Variants in ESYT1 observed in about 807,000 individuals in gnomAD.
The protein encoded by ESYT1 is extended synaptotagmin-1.
ESYT1 carries 116 observed loss-of-function variants against 154.2 expected under a neutral mutation model. That is an observed-to-expected ratio of 0.75 (90% CI 0.65 to 0.88). The LOEUF is 0.88. Among genes scored for constraint, ESYT1 ranks in the 40% least tolerant of loss-of-function variants. The pLI is 0.00. For missense variants in ESYT1, 1,264 were observed against 1,379.3 expected, an observed-to-expected ratio of 0.92 and a Z score of 1.32; for synonymous variants, 500 against 539.9, an observed-to-expected ratio of 0.93 and a Z score of 1.02.
chr12:56,138,027 T>C lies in ESYT1; in HGVS notation c.2200T>C (p.Cys734Arg), dbSNP rs759854694. 3 of 1,614,120 alleles carry C rather than the reference T, an allele frequency of 1.9e-6. No homozygotes were observed. Among genetic ancestry groups the C allele is most frequent in the Non-Finnish European group, 2.5e-6 (3 of 1,180,002 alleles). Residue 734 changes from cysteine (C) to arginine (R), a missense_variant and splice_region_variant, in exon 20 of 31, where the codon TGT (cysteine) becomes CGT (arginine). Coordinates refer to ENST00000394048, the MANE Select transcript of ESYT1 (RefSeq NM_015292.3). ...TGTCTTAATCTTTCTCTTCAACAGG[T>C]GTAAAGTGCGTCTCACCACAGTCTT... Reference protein sequence around the residue: ...DLDKDDFLGRCKVRLTTVLNS... With the variant: ...DLDKDDFLGRRKVRLTTVLNS...
intron 24 of ESYT1, among the ~76,000 whole-genome samples, chr12:56,140,665 G>A (rs116012322): frequency 1.1e-3 from 164 of 152,258 alleles, no homozygotes; most frequent in African/African-American, 3.8e-3. Flanking sequence ...ACCCAGTCAG[G>A]GAAGCCTTTA....
At chr12:56,138,728 T>C (rs529122253) in intron 22 of ESYT1, 40 bp from the exon 23 acceptor site, 2 of 1,590,234 alleles carry the variant, frequency 1.3e-6, no homozygotes, top group South Asian at 2.2e-5. Flanking sequence ...TCTGCCTAAC[T>C]AGGTCCAAAT....
Position 56,134,440 on chromosome 12 carries a change from A to C in ESYT1, c.1632+12A>C. 2 of 1,610,326 alleles carry C rather than the reference A, an allele frequency of 1.2e-6. No homozygotes were observed. The highest frequency in any genetic ancestry group is 1.7e-6 in the Non-Finnish European group (2 of 1,176,944). On this transcript the variant is annotated intron_variant, in intron 15 of 30. Coordinates refer to ENST00000394048, the MANE Select transcript of ESYT1 (RefSeq NM_015292.3). ...AGCTCGATGTGCAAGTGAGATAATC[A>C]CCTCTTCATCCCCTCCCGAATACCC...
At position 56,142,289 on chromosome 12, in the gene ESYT1, G is replaced by A. The variant is rs144008887; in HGVS notation, c.2597G>A (p.Arg866Gln). Reference protein sequence around the residue: ...PHTESLELQVRGEGTGVLGSL... With the variant: ...PHTESLELQVQGEGTGVLGSL... The stretch of plus-strand genomic sequence containing the variant: ...CATGGTCCTGTTGCCCCACAGGTTC[G>A]GGGTGAGGGCACTGGCGTGCTGGGC... The change falls in exon 25 of 31, where the codon CGG becomes CAG. Residue 866 changes from arginine to glutamine, a missense_variant. Arg to Gln is a conservative substitution (Grantham distance 43, BLOSUM62 1). Transcript: ENST00000394048. This position sits in a 1 kb window ranked among gnomAD's most constrained non-coding sequence, Gnocchi z 4.1. 148 of 1,613,974 alleles carry A rather than the reference G, an allele frequency of 9.2e-5. No homozygotes were observed. Among genetic ancestry groups the A allele is most frequent in the Admixed American group, 4.3e-4 (26 of 59,992 alleles).
intron 1 of ESYT1, 68 bp from the exon 2 acceptor site, chr12:56,130,514 G>C: frequency 6.3e-7 from 1 of 1,589,606 alleles, no homozygotes; most frequent in East Asian, 2.2e-5. Context: ...CACACCACCA[G>C]CATCTTAGTA....
rs1379645539 is a variant in ESYT1, at chr12:56,132,426, T to C, written c.990T>C (p.Ile330=). Residue 330 remains isoleucine, a synonymous_variant, in exon 9 of 31, where the codon ATT becomes ATC. Coordinates refer to ENST00000394048, the MANE Select transcript of ESYT1 (RefSeq NM_015292.3). ...CATCTGATTCCTTCCTCCAGGGCATTATTCGAATTCACCTGCTGGCTGCTC... is the reference window on the plus strand; with the variant it reads ...CATCTGATTCCTTCCTCCAGGGCATCATTCGAATTCACCTGCTGGCTGCTC... The part of the protein sequence containing the change: ...AQLRSPLPRG[I]IRIHLLAARG... 1.2e-6 allele frequency: 2 copies of C among 1,614,128 alleles called. No individual in the cohort carries two copies. Among genetic ancestry groups the C allele is most frequent in the East Asian group, 2.2e-5 (1 of 44,872 alleles).
At position 56,138,392 on chromosome 12, in the gene ESYT1, GCC is replaced by G. The variant is rs976351544; in HGVS notation, c.2338-9_2338-8del. ...CAGTTACCACTCCCCAGCCCCGTGT[GCC>G]CCTCCACAGGTGCTGCAGGTGAATA... On this transcript the variant is annotated splice_polypyrimidine_tract_variant and intron_variant, in intron 21 of 30. Coordinates refer to ENST00000394048, the MANE Select transcript of ESYT1 (RefSeq NM_015292.3). 6.2e-7 allele frequency: 1 copy of G among 1,613,302 alleles called. No homozygotes were observed. The highest frequency in any genetic ancestry group is 8.5e-7 in the Non-Finnish European group (1 of 1,179,642).
Position 56,143,970 on chromosome 12 carries a change from C to T in ESYT1, c.*108C>T. 6.3e-7 allele frequency: 1 copy of T among 1,587,376 alleles called. No homozygotes were observed. The highest frequency in any genetic ancestry group is 1.1e-5 in the South Asian group (1 of 89,620). ...CTAGGGTCCAAGGGCAGAGCCTGTG[C>T]CCTTCAGCCCTTTCACCTAACAGGC... On this transcript the variant is annotated 3_prime_UTR_variant, in exon 31 of 31. Coordinates refer to ENST00000394048, the MANE Select transcript of ESYT1 (RefSeq NM_015292.3).
rs114743305 is a variant in ESYT1, at chr12:56,130,931, T to C, written c.567+6T>C. ...GAGTGGAACTGGGTGAAAAGGTATG[T>C]GTGGAGGAGGGAAAGTGAGGAGGTA... On this transcript the variant is annotated splice_donor_region_variant and intron_variant, in intron 3 of 30. Transcript: ENST00000394048. 575 of 1,614,146 alleles carry C rather than the reference T, an allele frequency of 3.6e-4. 1 individual carries two copies. In the African/African-American group the frequency reaches 6.9e-3, roughly 19 times the overall value.
In ESYT1 at chr12:56,142,292, G is replaced by T. The variant is rs1489416980; in HGVS notation, c.2600G>T (p.Gly867Val). The T allele has an allele frequency of 6.2e-7, 1 of 1,614,006 alleles. No individual in the cohort carries two copies. Among genetic ancestry groups the T allele is most frequent in the African/African-American group, 1.3e-5 (1 of 75,042 alleles). The change falls in exon 25 of 31, where the codon GGT becomes GTT. Residue 867 changes from glycine to valine, a missense_variant. Coordinates refer to ENST00000394048, the MANE Select transcript of ESYT1 (RefSeq NM_015292.3). This position sits in a 1 kb window ranked among gnomAD's most constrained non-coding sequence, Gnocchi z 4.1. ...GGTCCTGTTGCCCCACAGGTTCGGG[G>T]TGAGGGCACTGGCGTGCTGGGCTCA... ...HTESLELQVR[G>V]EGTGVLGSLS... is the part of the protein sequence containing the mutation.
chr12:56,140,907 G>A lies in ESYT1; in HGVS notation c.2593-1378G>A, dbSNP rs533352718. ...ACTAACTCTGGGGTTTTTGGCACAGGGTGGCTAGATGGATAAGGGTGCCGT... is the reference window on the plus strand; with the variant it reads ...ACTAACTCTGGGGTTTTTGGCACAGAGTGGCTAGATGGATAAGGGTGCCGT... On this transcript the variant is annotated intron_variant, in intron 24 of 30. Coordinates refer to ENST00000394048, the MANE Select transcript of ESYT1 (RefSeq NM_015292.3). 2.2e-4 allele frequency among the ~76,000 whole-genome samples: 34 copies of A among 152,272 alleles called. No homozygotes were observed. The East Asian group carries it at 6.4e-3, about 29-fold the overall frequency.
chr12:56,128,669 C>G lies in ESYT1; in HGVS notation c.350C>G (p.Ala117Gly), dbSNP rs1375880401. The G allele has an allele frequency of 6.2e-7, 1 of 1,613,992 alleles. No homozygotes were observed. Among genetic ancestry groups the G allele is most frequent in the Non-Finnish European group, 8.5e-7 (1 of 1,180,040 alleles). ...CTGGACGACGAGGAGCAGCTCACTG[C>G]GAAAACTCTCTATATGAGTCATCGA... is the stretch of plus-strand genomic sequence containing the variant. Reference protein sequence around the residue: ...QLLDDEEQLTAKTLYMSHREL... With the variant: ...QLLDDEEQLTGKTLYMSHREL... Residue 117 changes from alanine (A) to glycine (G), a missense_variant, in exon 1 of 31, where the codon GCG becomes GGG. Physicochemically the swap from Ala to Gly is moderately conservative, Grantham distance 60 (BLOSUM62 0). Transcript: ENST00000394048.
chr12:56,137,588 C>T lies in ESYT1; in HGVS notation c.2028C>T (p.Pro676=). 2 of 1,614,152 alleles carry T rather than the reference C, an allele frequency of 1.2e-6. No individual in the cohort carries two copies. Among genetic ancestry groups the T allele is most frequent in the Non-Finnish European group, 1.7e-6 (2 of 1,180,022 alleles). ...LGGLVKGKSD[P]YVKLKLAGRS... Reference sequence around the variant, plus strand: ...GACTGGTGAAGGGCAAGTCAGACCCCTATGTCAAACTAAAGTTGGCAGGAC... The same window carrying T: ...GACTGGTGAAGGGCAAGTCAGACCCTTATGTCAAACTAAAGTTGGCAGGAC... Residue 676 remains proline, a synonymous_variant, in exon 18 of 31, where the codon CCC becomes CCT. Transcript: ENST00000394048.
chr12:56,136,761 G>T lies in ESYT1; in HGVS notation c.1650G>T (p.Arg550Ser). The T allele has an allele frequency of 6.2e-7, 1 of 1,609,516 alleles. No individual in the cohort carries two copies. The highest frequency in any genetic ancestry group is 8.5e-7 in the Non-Finnish European group (1 of 1,177,132). The change falls in exon 16 of 31, where the codon AGG becomes AGT. Residue 550 changes from arginine to serine, a missense_variant. Arg to Ser is a moderately radical substitution (Grantham distance 110). Transcript: ENST00000394048. ...GCCTGTAGGTGAAGGATGATTCCAG[G>T]GCCCTGACTTTAGGAGCACTGACGC... ...ELDVQVKDDS[R>S]ALTLGALTLP... is the part of the protein sequence containing the mutation.
chr12:56,132,552 T>G lies in ESYT1; in HGVS notation c.1116T>G (p.Arg372=), dbSNP rs1565873334. ...VRLGTQTFCS[R]VIDEELNPQW... The stretch of plus-strand genomic sequence containing the variant: ...TGGGTACCCAGACATTCTGCAGTCG[T>G]GTCATTGATGAAGAACTCAACCCAC... The change falls in exon 9 of 31, where the codon CGT becomes CGG. Residue 372 remains arginine, a synonymous_variant. Coordinates refer to ENST00000394048, the MANE Select transcript of ESYT1 (RefSeq NM_015292.3). 1.9e-6 allele frequency: 3 copies of G among 1,614,050 alleles called. No homozygotes were observed. Among genetic ancestry groups the G allele is most frequent in the Non-Finnish European group, 2.5e-6 (3 of 1,180,050 alleles).
Position 56,136,731 on chromosome 12 carries a change from C to T in ESYT1, c.1633-13C>T, listed in dbSNP as rs759783818. 1 of 1,591,914 alleles carries T rather than the reference C, an allele frequency of 6.3e-7. No homozygotes were observed. Among genetic ancestry groups the T allele is most frequent in the Non-Finnish European group, 8.6e-7 (1 of 1,168,438 alleles). Reference sequence around the variant, plus strand: ...TAATCCCTTCACTACAGTCCTTCCTCCTGTGCCTGTAGGTGAAGGATGATT... The same window carrying T: ...TAATCCCTTCACTACAGTCCTTCCTTCTGTGCCTGTAGGTGAAGGATGATT... On this transcript the variant is annotated splice_polypyrimidine_tract_variant and intron_variant, in intron 15 of 30. Transcript: ENST00000394048.
chr12:56,141,539 G>T (rs865950735), intron 24 of ESYT1, among the ~76,000 whole-genome samples: 9 of 152,300 alleles, frequency 5.9e-5, no homozygotes, highest in South Asian at 2.1e-4. Context: ...AGGAGATCGA[G>T]ACCATCCTGG....
Position 56,143,131 on chromosome 12 carries a change from T to A in ESYT1, c.3102T>A (p.Ser1034Arg). ...CCTCACAGAAGAAGAGGACCCTGAGTCCTGAATTTAATGAACGGTCAGTCA... is the reference window on the plus strand; with the variant it reads ...CCTCACAGAAGAAGAGGACCCTGAGACCTGAATTTAATGAACGGTCAGTCA... ...RRTSQKKRTLSPEFNERFEWE... is the reference protein window; with the variant it reads ...RRTSQKKRTLRPEFNERFEWE... Residue 1034 changes from serine (S) to arginine (R), a missense_variant, in exon 28 of 31, where the codon AGT (serine) becomes AGA (arginine). Physicochemically the swap from Ser to Arg is moderately radical, Grantham distance 110 (BLOSUM62 -1). Coordinates refer to ENST00000394048, the MANE Select transcript of ESYT1 (RefSeq NM_015292.3). 1 of 1,613,934 alleles carries A rather than the reference T, an allele frequency of 6.2e-7. No homozygotes were observed. The highest frequency in any genetic ancestry group is 1.3e-5 in the African/African-American group (1 of 74,940).
At position 56,142,513 on chromosome 12, in the gene ESYT1, G is replaced by A; in HGVS notation, c.2734-65G>A. Reference sequence around the variant, plus strand: ...GACACCCAGGAGGGTGGGAACAGAGGGCCGTGTCCTTAGAGTGAGGGAACT... The same window carrying A: ...GACACCCAGGAGGGTGGGAACAGAGAGCCGTGTCCTTAGAGTGAGGGAACT... On this transcript the variant is annotated intron_variant, in intron 25 of 30. Transcript: ENST00000394048. This position sits in a 1 kb window ranked among gnomAD's most constrained non-coding sequence, Gnocchi z 4.1. 1 of 1,610,880 alleles carries A rather than the reference G, an allele frequency of 6.2e-7. No individual in the cohort carries two copies. Among genetic ancestry groups the A allele is most frequent in the East Asian group, 2.2e-5 (1 of 44,818 alleles).
Sources: gnomAD v4.1 joint callset for allele counts (sites outside exome capture counted in the v4.1 genomes callset) on GRCh38, gnomAD v4.1.1 for gene constraint, Gnocchi (gnomAD v3.1) non-coding constraint, MANE v1.5 for transcripts, NCBI Gene and HGNC (gene_info 2026-07-23, HGNC 2026-07-21) for gene names.